Variants in EVC observed in about 807,000 individuals in gnomAD.
EVC encodes evC complex member EVC.
Under a neutral mutation model 118.9 loss-of-function variants are expected in EVC, and 116 were observed. The observed-to-expected ratio is 0.98, with a 90% CI of 0.84 to 1.14. The LOEUF (loss-of-function observed/expected upper bound fraction) is 1.14, where lower values mean the gene tolerates loss of function less well. Among genes scored for constraint, EVC ranks in the 50% most tolerant of loss-of-function variants. The pLI is 0.00. For synonymous variants in EVC, 619 were observed against 534.7 expected, an observed-to-expected ratio of 1.16 and a Z score of -2.18; for missense variants, 1,401 against 1,246.4, an observed-to-expected ratio of 1.12 and a Z score of -1.87.
intron 11 of EVC, chr4:5,758,084 G>A: frequency 1.4e-6 from 1 of 702,412 alleles, no homozygotes; most frequent in East Asian, 2.7e-5. Flanking sequence ...TTATAAGAAG[G>A]CCATGAGAAG....
At chr4:5,718,678 G>A (rs549388922) in intron 1 of EVC, among the ~76,000 whole-genome samples, 1 of 152,336 alleles carries the variant, frequency 6.6e-6, no homozygotes, top group African/African-American at 2.4e-5. Flanking sequence ...AACTGTAAAA[G>A]CGCCATGAGC....
At chr4:5,785,719 T>C (rs907769932) in intron 12 of EVC, among the ~76,000 whole-genome samples, 2 of 152,248 alleles carry the variant, frequency 1.3e-5, no homozygotes, top group Non-Finnish European at 2.9e-5. Context: ...CAAAGCCCAG[T>C]GGCTGCAATA....
At position 5,756,272 on chromosome 4, in the gene EVC, T is replaced by C. The variant is rs768749804; in HGVS notation, c.1473T>C (p.His491=). ...ADPEKFLEAF[H]EVLERQRLMQ... is the part of the protein sequence containing the mutation. The stretch of plus-strand genomic sequence containing the variant: ...TCTTGTTTTCCTCACAGGCTTTTCA[T>C]GAGGTCCTGGAGAGGCAGAGGCTGA... Residue 491 remains histidine, a synonymous_variant, in exon 11 of 21, where the codon CAT becomes CAC. Coordinates refer to ENST00000264956, the MANE Select transcript of EVC (RefSeq NM_153717.3). This position sits in a 1 kb window ranked among gnomAD's most constrained non-coding sequence, Gnocchi z 4.2. 6.8e-6 allele frequency: 11 copies of C among 1,611,612 alleles called. No individual in the cohort carries two copies. Among genetic ancestry groups the C allele is most frequent in the African/African-American group, 2.7e-5 (2 of 74,708 alleles).
At chr4:5,741,576 AT>A (rs1728580704) in intron 5 of EVC, 139 bp from the exon 6 acceptor site, 1 of 590,152 alleles carries the variant, frequency 1.7e-6, no homozygotes, top group Non-Finnish European at 3.1e-6. Flanking sequence ...AGCAAAAAAT[AT>A]ACGTGAAGAG....
rs969824296 is a variant in EVC at position 5,737,103 on chromosome 4, T to C, written c.702+3668T>C. Among the ~76,000 whole-genome samples the C allele has an allele frequency of 1.7e-4, 26 of 152,224 alleles. No individual in the cohort carries two copies. The highest frequency in any genetic ancestry group is 5.8e-4 in the African/African-American group (24 of 41,468). On this transcript the variant is annotated intron_variant, in intron 5 of 20. Transcript: ENST00000264956. This position sits in a 1 kb window ranked among gnomAD's most constrained non-coding sequence, Gnocchi z 5.0. Reference sequence around the variant, plus strand: ...ATGATCAGAAAGCAAAACAACCTTATTGCTGATATGGAGAAAGTCTGAGTG... The same window carrying C: ...ATGATCAGAAAGCAAAACAACCTTACTGCTGATATGGAGAAAGTCTGAGTG...
intron 11 of EVC, among the ~76,000 whole-genome samples, chr4:5,768,453 T>A (rs1733378583): frequency 1.3e-5 from 2 of 152,076 alleles, no homozygotes; most frequent in Non-Finnish European, 1.5e-5. Context: ...ATATCCCACC[T>A]CCTCTATGTT....
At chr4:5,826,295 C>CT in the EVC span, 6 of 152,702 alleles carry the variant, frequency 3.9e-5, no homozygotes, top group African/African-American at 1.4e-4. Flanking sequence ...TTGTAGAAGT[C>CT]AACAGCGAGG....
Position 5,797,084 on chromosome 4 carries a change from C to T in EVC, c.1949C>T (p.Ala650Val). The T allele has an allele frequency of 6.2e-7, 1 of 1,613,474 alleles. No homozygotes were observed. The highest frequency in any genetic ancestry group is 8.5e-7 in the Non-Finnish European group (1 of 1,179,986). ...LLLRSALRRL[A>V]LRGNALATLT... ...TTGCGCTCAGCCCTCCGGAGGCTGG[C>T]ACTCCGCGGCAACGCCCTGGCCACC... The change falls in exon 14 of 21, where the codon GCA becomes GTA. Residue 650 changes from alanine (A) to valine (V), a missense_variant. Physicochemically the swap from Ala to Val is moderately conservative, Grantham distance 64. Coordinates refer to ENST00000264956, the MANE Select transcript of EVC (RefSeq NM_153717.3).
Position 5,733,435 on chromosome 4 carries a change from G to C in EVC, c.702G>C (p.Met234Ile), listed in dbSNP as rs190661824. Residue 234 changes from methionine (M) to isoleucine (I), a missense_variant and splice_region_variant, in exon 5 of 21, where the codon ATG becomes ATC. By Grantham distance (10) the Met-to-Ile change is conservative. Coordinates refer to ENST00000264956, the MANE Select transcript of EVC (RefSeq NM_153717.3). Reference protein sequence around the residue: ...LDTALRQEKHMMFIQIFKMCL... With the variant: ...LDTALRQEKHIMFIQIFKMCL... The stretch of plus-strand genomic sequence containing the variant: ...CGGCACTGAGGCAGGAAAAGCATAT[G>C]GTAGGTGGAGATGTTCGCATTCCCT... The C allele has an allele frequency of 1.9e-6, 3 of 1,613,550 alleles. No individual in the cohort carries two copies.
Position 5,753,000 on chromosome 4 carries a change from G to A in EVC, c.1263G>A (p.Leu421=), listed in dbSNP as rs1176248727. The change falls in exon 9 of 21, where the codon CTG becomes CTA. Residue 421 remains leucine, a synonymous_variant. Transcript: ENST00000264956. The part of the protein sequence containing the change: ...GKLSGRQKEE[L]LTQQHKAFWQ... ...TGTCCGGGCGGCAGAAGGAGGAGCTGCTCACGCAGCAGCACAAGGCCTTCT... is the reference window on the plus strand; with the variant it reads ...TGTCCGGGCGGCAGAAGGAGGAGCTACTCACGCAGCAGCACAAGGCCTTCT... The A allele has an allele frequency of 6.2e-7, 1 of 1,612,754 alleles. No homozygotes were observed. Among genetic ancestry groups the A allele is most frequent in the Non-Finnish European group, 8.5e-7 (1 of 1,179,564 alleles).
At position 5,754,838 on chromosome 4, in the gene EVC, C is replaced by T. The variant is rs1730921153; in HGVS notation, c.1464+905C>T. ...GAGACCAAGGAAGGGGCAGCCCCAG[C>T]CTCACTGTTTGCCTGGGTCCGCCTG... On this transcript the variant is annotated intron_variant, in intron 10 of 20. Coordinates refer to ENST00000264956, the MANE Select transcript of EVC (RefSeq NM_153717.3). The surrounding 1 kb of genome is among the most constrained non-coding windows in gnomAD (Gnocchi z 5.8). 1.3e-5 allele frequency among the ~76,000 whole-genome samples: 2 copies of T among 152,286 alleles called. No individual in the cohort carries two copies. Among genetic ancestry groups the T allele is most frequent in the African/African-American group, 4.8e-5 (2 of 41,556 alleles).
rs1408548245 is a variant in EVC, at chr4:5,719,151, G to C, written c.175-97G>C. The C allele has an allele frequency of 4.0e-6, 6 of 1,503,534 alleles. No individual in the cohort carries two copies. The Admixed American group carries it at 5.0e-5, about 13-fold the overall frequency. The allele number at this position is 1,503,534 out of a possible 1,614,324, so 93.1% of individuals were successfully genotyped here. ...GGCGAGCAGAAGTGGCTGCTGGACT[G>C]GGGGAGTTGACTGGCAAAAGTCACG... On this transcript the variant is annotated intron_variant, in intron 1 of 20. Coordinates refer to ENST00000264956, the MANE Select transcript of EVC (RefSeq NM_153717.3). The surrounding 1 kb of genome is among the most constrained non-coding windows in gnomAD (Gnocchi z 4.7).
At chr4:5,745,448 C>A in intron 7 of EVC, 107 bp downstream of exon 7, 2 of 1,225,180 alleles carry the variant, frequency 1.6e-6, no homozygotes, top group East Asian at 2.4e-5. Context: ...ACTTGAATTC[C>A]CCTATCGCAT....
At position 5,731,621 on chromosome 4, in the gene EVC, G is replaced by T. The variant is rs777256784; in HGVS notation, c.581G>T (p.Arg194Leu). The T allele has an allele frequency of 1.2e-6, 2 of 1,614,138 alleles. No individual in the cohort carries two copies. Among genetic ancestry groups the T allele is most frequent in the East Asian group, 2.2e-5 (1 of 44,868 alleles). The part of the protein sequence containing the change: ...DDRFLSRTFL[R>L]VNAFPEVLAC... Reference sequence around the variant, plus strand: ...AGGTTTCTCAGCCGCACCTTCCTCCGGGTGAACGCCTTCCCTGAAGTGCTG... The same window carrying T: ...AGGTTTCTCAGCCGCACCTTCCTCCTGGTGAACGCCTTCCCTGAAGTGCTG... The change falls in exon 4 of 21, where the codon CGG (arginine) becomes CTG (leucine). Residue 194 changes from arginine (R) to leucine (L), a missense_variant. Transcript: ENST00000264956. This position sits in a 1 kb window ranked among gnomAD's most constrained non-coding sequence, Gnocchi z 5.6.
At chr4:5,739,899 CAAAA>C (rs11343689) in intron 5 of EVC, among the ~76,000 whole-genome samples, 2 of 120,568 alleles carry the variant, frequency 1.7e-5, no homozygotes, top group Non-Finnish European at 3.4e-5. Context: ...AACCCCATCT[CAAAA>C]AAAAAAAAAA....
chr4:5,808,985 T>C (rs1364498906), intron 18 of EVC, among the ~76,000 whole-genome samples: 1 of 152,170 alleles, frequency 6.6e-6, no homozygotes, highest in East Asian at 1.9e-4. Context: ...TAGGTACTTA[T>C]TGAGGGTCTA....
chr4:5,750,362 G>A (rs544201383), intron 8 of EVC, among the ~76,000 whole-genome samples: 2 of 152,352 alleles, frequency 1.3e-5, no homozygotes, highest in East Asian at 1.9e-4. Context: ...TCTGGCCAGA[G>A]TATCAGCCAA....
chr4:5,721,206 C>G (rs944639175), intron 2 of EVC, among the ~76,000 whole-genome samples: 2 of 152,170 alleles, frequency 1.3e-5, no homozygotes, highest in South Asian at 4.1e-4. Context: ...CACCCAAAAA[C>G]TTGTACACAA....
rs771087271 is a variant in EVC, at chr4:5,719,287, A to G, written c.214A>G (p.Asn72Asp). ...AAATCTGCTCAAGAATTTGGAGTCT[A>G]ATGCGCAGACCCCCTCGGAAACTGG... is the stretch of plus-strand genomic sequence containing the variant. ...TQNLLKNLES[N>D]AQTPSETGSP... Residue 72 changes from asparagine to aspartate, a missense_variant, in exon 2 of 21, where the codon AAT (asparagine) becomes GAT (aspartate). Coordinates refer to ENST00000264956, the MANE Select transcript of EVC (RefSeq NM_153717.3). This position sits in a 1 kb window ranked among gnomAD's most constrained non-coding sequence, Gnocchi z 4.7. 2 of 1,614,204 alleles carry G rather than the reference A, an allele frequency of 1.2e-6. No homozygotes were observed. The highest frequency in any genetic ancestry group is 1.7e-6 in the Non-Finnish European group (2 of 1,180,038).
Sources: allele counts gnomAD v4.1 joint callset (sites outside exome capture counted in the v4.1 genomes callset), GRCh38; gene constraint gnomAD v4.1.1; non-coding constraint Gnocchi (gnomAD v3.1); transcripts MANE v1.5; gene names NCBI Gene and HGNC (gene_info 2026-07-23, HGNC 2026-07-21).